Variants in SYMPK observed in about 807,000 individuals in gnomAD.
SYMPK encodes symplekin scaffold protein.
SYMPK carries 49 observed loss-of-function variants against 136.4 expected under a neutral mutation model. The ratio of observed to expected loss-of-function variants is 0.36; its 90% CI spans 0.29 to 0.46. SYMPK has a LOEUF of 0.46. Among genes scored for constraint, SYMPK ranks in the 20% least tolerant of loss-of-function variants. The probability of loss-of-function intolerance (pLI) is 1.00; values close to 1 mark genes in which losing one functional copy is unlikely to be tolerated. For missense variants in SYMPK, 1,365 were observed against 1,690.0 expected (o/e 0.81, Z 3.37); for synonymous variants, 766 against 713.0 (o/e 1.07, Z -1.19).
At chr19:45,858,520 T>C (rs1971886387) in intron 1 of SYMPK, among the ~76,000 whole-genome samples, 1 of 152,168 alleles carries the variant, frequency 6.6e-6, no homozygotes, top group Non-Finnish European at 1.5e-5. Context: ...ACGACTATGT[T>C]TCTTTTTTTT....
At chr19:45,828,224 TTA>T (rs1419533664) in intron 14 of SYMPK, 1 of 337,924 alleles carries the variant, frequency 3.0e-6, no homozygotes, top group Non-Finnish European at 5.7e-6. Context: ...TGTGGGTATT[TTA>T]GATATGGTGG....
At chr19:45,836,138 G>A (rs1450065669) in intron 10 of SYMPK, among the ~76,000 whole-genome samples, 1 of 151,312 alleles carries the variant, frequency 6.6e-6, no homozygotes, top group Non-Finnish European at 1.5e-5. Flanking sequence ...CTGGAGTGCA[G>A]TGGCACGATC....
rs745906944 is a variant in SYMPK, at chr19:45,821,337, T to C, written c.2893+47A>G. On this transcript the variant is annotated intron_variant, in intron 22 of 26. Transcript: ENST00000245934. This position sits in a 1 kb window ranked among gnomAD's most constrained non-coding sequence, Gnocchi z 4.4. ...CATGTGGGTGACTGAGGTCCTGCCC[T>C]GGCGTCGCAGGGGCCAGGCCACTGG... The C allele has an allele frequency of 1.5e-5, 22 of 1,439,264 alleles. No homozygotes were observed. In the South Asian group the frequency reaches 2.4e-4, roughly 16 times the overall value. 89.2% of individuals were successfully genotyped at this position (1,439,264 alleles called of 1,614,324 possible).
chr19:45,831,217 G>T, intron 12 of SYMPK, 167 bp downstream of exon 12: 1 of 436,168 alleles, frequency 2.3e-6, no homozygotes, highest in Non-Finnish European at 3.9e-6. Context: ...AGGCTTAGTG[G>T]TTATGGCACT....
At chr19:45,837,736 TG>T (rs1414469929) in intron 10 of SYMPK, among the ~76,000 whole-genome samples, 1 of 151,724 alleles carries the variant, frequency 6.6e-6, no homozygotes, top group African/African-American at 2.4e-5. Flanking sequence ...AAGTGAGGGT[TG>T]GGCTTCAGGT....
chr19:45,838,364 T>C lies in SYMPK; in HGVS notation c.1242+97A>G, dbSNP rs959655188. On this transcript the variant is annotated intron_variant, in intron 10 of 26. Coordinates refer to ENST00000245934, the MANE Select transcript of SYMPK (RefSeq NM_004819.3). ...TTTTCTTTATTAATTAGGAGGGTAC[T>C]CTGGAGGAGGTGGATGGTGTGAAGT... 4 of 1,409,282 alleles carry C rather than the reference T, an allele frequency of 2.8e-6. No homozygotes were observed. In the African/African-American group the frequency reaches 4.3e-5, roughly 15 times the overall value. 87.3% of individuals were successfully genotyped at this position (1,409,282 alleles called of 1,614,324 possible). A position where few individuals can be genotyped will look rare whatever the true frequency, so the allele number is the denominator to read the frequency against.
In SYMPK at chr19:45,838,460, C is replaced by A; in HGVS notation, c.1242+1G>T. The A allele has an allele frequency of 5.0e-6, 8 of 1,612,802 alleles. No homozygotes were observed. Among genetic ancestry groups the A allele is most frequent in the Non-Finnish European group, 6.8e-6 (8 of 1,179,076 alleles). On this transcript the variant is annotated splice_donor_variant, in intron 10 of 26. Coordinates refer to ENST00000245934, the MANE Select transcript of SYMPK (RefSeq NM_004819.3). LOFTEE classifies it high-confidence loss of function. ...GGAAAACGCTCCCCACCCATCCTCACCAGATTAGCCACATTATCAGGCGTC... is the reference window on the plus strand; with the variant it reads ...GGAAAACGCTCCCCACCCATCCTCAACAGATTAGCCACATTATCAGGCGTC...
At chr19:45,859,953 TAAAAAAAAAA>T (rs61203536) in intron 1 of SYMPK, among the ~76,000 whole-genome samples, 1 of 85,652 alleles carries the variant, frequency 1.2e-5, no homozygotes, top group Non-Finnish European at 2.2e-5. Context: ...AGACTCCATC[TAAAAAAAAAA>T]AAAAAAAAAA....
At chr19:45,829,347 C>G (rs1377828837) in intron 13 of SYMPK, 142 bp from the exon 14 acceptor site, 6 of 685,258 alleles carry the variant, frequency 8.8e-6, no homozygotes, top group Non-Finnish European at 1.5e-5. Flanking sequence ...GCCGAGGACC[C>G]TTATGCCTAG....
In SYMPK at chr19:45,831,593, G is replaced by A. The variant is rs748138617; in HGVS notation, c.1394-5C>T. On this transcript the variant is annotated splice_polypyrimidine_tract_variant and splice_region_variant and intron_variant, in intron 11 of 26. Transcript: ENST00000245934. ...ACTGTTTGGTCTGCTCTACACCTGA[G>A]GGGGAGGCAGCAAACAGACACCCAG... The A allele has an allele frequency of 8.2e-6, 13 of 1,579,000 alleles. No homozygotes were observed. Among genetic ancestry groups the A allele is most frequent in the Non-Finnish European group, 1.1e-5 (13 of 1,161,924 alleles).
rs2146316021 is a variant in SYMPK, at chr19:45,831,578, C to T, written c.1404G>A (p.Gln468=). The change falls in exon 12 of 27, where the codon CAG becomes CAA. Residue 468 remains glutamine, a synonymous_variant. Transcript: ENST00000245934. ...TAAGLGPGVE[Q]TKQCKEEPKE... ...TGGGCTCCTCCTTGCACTGTTTGGT[C>T]TGCTCTACACCTGAGGGGGAGGCAG... 3.7e-6 allele frequency: 6 copies of T among 1,603,146 alleles called. No homozygotes were observed. The highest frequency in any genetic ancestry group is 5.1e-6 in the Non-Finnish European group (6 of 1,174,670).
At chr19:45,858,580 A>G (rs1272259947) in intron 1 of SYMPK, among the ~76,000 whole-genome samples, 1 of 151,658 alleles carries the variant, frequency 6.6e-6, no homozygotes. Context: ...CAATGGCGTG[A>G]TCTCAGCTCA....
Position 45,816,007 on chromosome 19 carries a change from C to G in SYMPK, c.3531G>C (p.Ser1177=), listed in dbSNP as rs369806572. 1 of 1,600,436 alleles carries G rather than the reference C, an allele frequency of 6.2e-7. No homozygotes were observed. The highest frequency in any genetic ancestry group is 8.5e-7 in the Non-Finnish European group (1 of 1,174,044). The change falls in exon 26 of 27, where the codon TCG becomes TCC. Residue 1177 remains serine (S), a synonymous_variant. Transcript: ENST00000245934. ...PSSSSPSPSP[S]ARPGPPPSEE... ...CAGACGGGGGCGGGCCTGGCCGGGC[C>G]GACGGAGAGGGAGAGGGGGAGGAAG...
chr19:45,849,639 A>G (rs1667596316), intron 5 of SYMPK, among the ~76,000 whole-genome samples: 2 of 152,242 alleles, frequency 1.3e-5, no homozygotes, highest in South Asian at 2.1e-4. Flanking sequence ...CAGCAGTCAC[A>G]TGGTATGTAT....
intron 16 of SYMPK, among the ~76,000 whole-genome samples, chr19:45,827,052 C>G (rs1234570855): frequency 6.6e-6 from 1 of 152,144 alleles, no homozygotes; most frequent in Non-Finnish European, 1.5e-5. Context: ...ACCAGATGGT[C>G]GGCCCCTCCC....
intron 1 of SYMPK, among the ~76,000 whole-genome samples, chr19:45,861,458 G>A (rs1408804458): frequency 6.6e-6 from 1 of 152,086 alleles, no homozygotes; most frequent in Non-Finnish European, 1.5e-5. Context: ...AGCATACACA[G>A]GGCCGGGAGC....
intron 1 of SYMPK, among the ~76,000 whole-genome samples, chr19:45,862,826 G>A (rs527371045): frequency 5.3e-5 from 8 of 152,358 alleles, no homozygotes; most frequent in African/African-American, 1.9e-4. Context: ...AAGCAAAGAG[G>A]CCGAGTCGAA....
chr19:45,853,373 C>T (rs538619870), intron 3 of SYMPK, among the ~76,000 whole-genome samples: 3 of 152,310 alleles, frequency 2.0e-5, no homozygotes, highest in South Asian at 4.1e-4. Flanking sequence ...CACGGTGGCT[C>T]GTGCCTGTAA....
At position 45,822,808 on chromosome 19, in the gene SYMPK, G is replaced by T. The variant is rs1568608983; in HGVS notation, c.2739C>A (p.Leu913=). ...VIQALPKLIK[L]NPIVVKEVFN... is the part of the protein sequence containing the mutation. ...AGACTTCCTTCACCACGATGGGGTTGAGTTTGATGAGTTTAGGCAGGGCCT... is the reference window on the plus strand; with the variant it reads ...AGACTTCCTTCACCACGATGGGGTTTAGTTTGATGAGTTTAGGCAGGGCCT... Residue 913 remains leucine (L), a synonymous_variant, in exon 21 of 27, where the codon CTC becomes CTA. Coordinates refer to ENST00000245934, the MANE Select transcript of SYMPK (RefSeq NM_004819.3). 1 of 1,614,006 alleles carries T rather than the reference G, an allele frequency of 6.2e-7. No individual in the cohort carries two copies. The highest frequency in any genetic ancestry group is 8.5e-7 in the Non-Finnish European group (1 of 1,179,992).
Sources: allele counts gnomAD v4.1 joint callset (sites outside exome capture counted in the v4.1 genomes callset), GRCh38; gene constraint gnomAD v4.1.1; non-coding constraint Gnocchi (gnomAD v3.1); transcripts MANE v1.5; gene names NCBI Gene and HGNC (gene_info 2026-07-23, HGNC 2026-07-21).